GRIP1: variants seen among roughly 807,000 people sequenced by gnomAD.
GRIP1 encodes the protein glutamate receptor interacting protein 1, also known as glutamate receptor-interacting protein 1.
A neutral mutation model predicts 129.9 loss-of-function variants in GRIP1; 45 were observed. The observed-to-expected ratio is 0.35, with a 90% CI of 0.27 to 0.44. GRIP1 has a LOEUF of 0.44. GRIP1 is among the 20% of genes least tolerant of loss of function. The probability of loss-of-function intolerance (pLI) is 1.00; values close to 1 mark genes in which losing one functional copy is unlikely to be tolerated. For missense variants in GRIP1, 1,196 were observed against 1,396.8 expected (o/e 0.86, Z 2.29); for synonymous variants, 530 against 520.8 (o/e 1.02, Z -0.24).
At chr12:66,486,048 G>T (rs2059946019) in intron 7 of GRIP1, among the ~76,000 whole-genome samples, 1 of 151,820 alleles carries the variant, frequency 6.6e-6, no homozygotes, top group Non-Finnish European at 1.5e-5. Context: ...TAGCAGTATG[G>T]GTTCTCTCCA....
At chr12:66,660,314 G>A (rs115865412) in intron 1 of GRIP1, among the ~76,000 whole-genome samples, 2,675 of 151,966 alleles carry the variant, frequency 0.018, 92 homozygotes, top group African/African-American at 0.061. Flanking sequence ...ATGCACCTAC[G>A]TATTCAAATG....
intron 1 of GRIP1, among the ~76,000 whole-genome samples, chr12:67,062,355 G>A (rs1372200203): frequency 6.6e-6 from 1 of 152,104 alleles, no homozygotes; most frequent in East Asian, 1.9e-4. Flanking sequence ...TCCCCTTTAA[G>A]AAACCAGTCA....
chr12:66,523,091 T>G (rs1185180013), intron 5 of GRIP1, among the ~76,000 whole-genome samples: 1 of 151,730 alleles, frequency 6.6e-6, no homozygotes, highest in African/African-American at 2.4e-5. Context: ...TGGAATCAAG[T>G]GGGAAAACAC....
intron 15 of GRIP1, among the ~76,000 whole-genome samples, chr12:66,410,285 G>A (rs2137707878): frequency 7.1e-6 from 1 of 141,760 alleles, no homozygotes; most frequent in East Asian, 2.1e-4. Context: ...GAGATAATTA[G>A]TAAGCTTGGA....
At chr12:66,965,195 T>C (rs1037736498) in intron 1 of GRIP1, among the ~76,000 whole-genome samples, 4 of 152,036 alleles carry the variant, frequency 2.6e-5, no homozygotes, top group Non-Finnish European at 4.4e-5. Context: ...CCCATTCCCA[T>C]ATTATTTTGA....
chr12:66,501,300 T>C (rs1249392160), intron 7 of GRIP1, among the ~76,000 whole-genome samples: 1 of 152,204 alleles, frequency 6.6e-6, no homozygotes, highest in African/African-American at 2.4e-5. Flanking sequence ...CTGAAGTTAA[T>C]ACTGTTGGAC....
At chr12:66,618,708 T>C (rs2139947509) in intron 1 of GRIP1, among the ~76,000 whole-genome samples, 1 of 152,270 alleles carries the variant, frequency 6.6e-6, no homozygotes, top group South Asian at 2.1e-4. Flanking sequence ...TACATGTGCA[T>C]AATGAAATGT....
intron 1 of GRIP1, among the ~76,000 whole-genome samples, chr12:66,931,668 A>C (rs1592359663): frequency 6.6e-6 from 1 of 152,212 alleles, no homozygotes; most frequent in Admixed American, 6.5e-5. Flanking sequence ...TCTTTTAAAT[A>C]AAGGGACACA....
chr12:66,382,791 T>C (rs1052868673), intron 19 of GRIP1, among the ~76,000 whole-genome samples: 27 of 152,114 alleles, frequency 1.8e-4, no homozygotes, highest in African/African-American at 4.8e-5. Context: ...CATTGTTTGG[T>C]ATATGTATAG....
chr12:66,490,848 CAT>C lies in GRIP1; in HGVS notation c.724+24769_724+24770del, dbSNP rs56792044. On this transcript the variant is annotated intron_variant, in intron 7 of 24. Coordinates refer to ENST00000359742, the MANE Select transcript of GRIP1 (RefSeq NM_001366722.1). ...AGAAGACATTCATGCACACAACAAA[CAT>C]ATGAAAAAAAGCTCCACATCACTGA... Among the ~76,000 whole-genome samples, 1,137 of 152,216 alleles carry C rather than the reference CAT, an allele frequency of 7.5e-3. 18 individuals are homozygous for C. The highest frequency in any genetic ancestry group is 0.026 in the African/African-American group (1,095 of 41,534).
At chr12:66,956,302 C>T (rs1365397183) in intron 1 of GRIP1, among the ~76,000 whole-genome samples, 2 of 152,072 alleles carry the variant, frequency 1.3e-5, no homozygotes, top group Non-Finnish European at 2.9e-5. Context: ...TTGGGGTTTT[C>T]GCTGTTGCTA....
At chr12:66,708,902 T>A (rs771637147) in intron 1 of GRIP1, among the ~76,000 whole-genome samples, 4 of 151,564 alleles carry the variant, frequency 2.6e-5, no homozygotes, top group Non-Finnish European at 5.9e-5. Context: ...GAAAAAAAAA[T>A]TTTTGTCAAG....
chr12:66,635,358 A>C (rs1302324389), intron 1 of GRIP1, among the ~76,000 whole-genome samples: 1 of 152,112 alleles, frequency 6.6e-6, no homozygotes, highest in East Asian at 1.9e-4. Context: ...CAGGAGTTCA[A>C]GGTTACAGCA....
chr12:66,828,381 C>A (rs1002140430), intron 1 of GRIP1, among the ~76,000 whole-genome samples: 1 of 152,148 alleles, frequency 6.6e-6, no homozygotes, highest in African/African-American at 2.4e-5. Flanking sequence ...CCACATCATC[C>A]ATTTATTTTC....
At chr12:66,719,877 T>C (rs966080365) in intron 1 of GRIP1, among the ~76,000 whole-genome samples, 3 of 152,186 alleles carry the variant, frequency 2.0e-5, no homozygotes, top group Non-Finnish European at 4.4e-5. Flanking sequence ...ATTAAGTTGG[T>C]ACATTTTCTC....
At chr12:66,523,618 C>G (rs1377040939) in intron 5 of GRIP1, among the ~76,000 whole-genome samples, 1 of 151,880 alleles carries the variant, frequency 6.6e-6, no homozygotes, top group African/African-American at 2.4e-5. Context: ...GAAACTGCAT[C>G]AACTAACGAG....
At chr12:66,928,416 C>T (rs2041331535) in intron 1 of GRIP1, among the ~76,000 whole-genome samples, 1 of 152,118 alleles carries the variant, frequency 6.6e-6, no homozygotes, top group African/African-American at 2.4e-5. Flanking sequence ...TTAATATTCT[C>T]CAGAACACTT....
intron 23 of GRIP1, among the ~76,000 whole-genome samples, chr12:66,355,568 C>T (rs2054449187): frequency 6.6e-6 from 1 of 152,146 alleles, no homozygotes; most frequent in Admixed American, 6.5e-5. Context: ...GCCCCACCAC[C>T]CACCGCCCAT....
chr12:66,904,616 G>A (rs2040898156), intron 1 of GRIP1, among the ~76,000 whole-genome samples: 1 of 152,150 alleles, frequency 6.6e-6, no homozygotes, highest in Non-Finnish European at 1.5e-5. Context: ...GATTGGGCTG[G>A]GAGCAGTGGC....
Sources: gnomAD v4.1 joint callset for allele counts (sites outside exome capture counted in the v4.1 genomes callset) on GRCh38, gnomAD v4.1.1 for gene constraint, MANE v1.5 for transcripts, NCBI Gene and HGNC (gene_info 2026-07-23, HGNC 2026-07-21) for gene names.